Variants in VCAN observed in about 807,000 individuals in gnomAD.
VCAN encodes the protein versican.
Under a neutral mutation model 245.5 loss-of-function variants are expected in VCAN, and 44 were observed. The ratio of observed to expected loss-of-function variants is 0.18; its 90% CI spans 0.14 to 0.23. VCAN has a LOEUF of 0.23. VCAN is among the 10% of genes least tolerant of loss of function. The probability of loss-of-function intolerance (pLI) is 1.00; values close to 1 mark genes in which losing one functional copy is unlikely to be tolerated. For synonymous variants in VCAN, 1,413 were observed against 1,437.0 expected, an observed-to-expected ratio of 0.98 and a Z score of 0.38; for missense variants, 3,793 against 4,057.9, an observed-to-expected ratio of 0.93 and a Z score of 1.77.
At position 83,541,809 on chromosome 5, in the gene VCAN, A is replaced by C. The variant is rs1747006420; in HGVS notation, c.8806A>C (p.Thr2936Pro). The change falls in exon 8 of 15, where the codon ACC becomes CCC. Residue 2936 changes from threonine to proline, a missense_variant. By Grantham distance (38) the Thr-to-Pro change is conservative. Around this residue, in one of 5 missense-constraint regions of VCAN, gnomAD observed 3,182 missense variants for 3,250.3 expected, o/e 0.98. Transcript: ENST00000265077. ...TEILQDFQNK[T>P]DGQVSGEAIK... Reference sequence around the variant, plus strand: ...GATTCTCCAAGATTTCCAAAACAAAACCGATGGTCAAGTTTCTGGAGAAGC... The same window carrying C: ...GATTCTCCAAGATTTCCAAAACAAACCCGATGGTCAAGTTTCTGGAGAAGC... The C allele has an allele frequency of 6.2e-7, 1 of 1,614,056 alleles. No individual in the cohort carries two copies. The highest frequency in any genetic ancestry group is 8.5e-7 in the Non-Finnish European group (1 of 1,179,994).
At position 83,540,985 on chromosome 5, in the gene VCAN, G is replaced by A; in HGVS notation, c.7982G>A (p.Ser2661Asn). The A allele has an allele frequency of 7.4e-6, 12 of 1,614,056 alleles. No homozygotes were observed. Among genetic ancestry groups the A allele is most frequent in the Non-Finnish European group, 9.3e-6 (11 of 1,179,984 alleles). ...GAATCAATGACTTATGAAGATAGAA[G>A]CCAACTAGATCACATGGGCTTTCAC... ...HDESMTYEDR[S>N]QLDHMGFHFT... The change falls in exon 8 of 15, where the codon AGC becomes AAC. Residue 2661 changes from serine to asparagine, a missense_variant. Transcript: ENST00000265077.
intron 5 of VCAN, among the ~76,000 whole-genome samples, chr5:83,506,749 C>T (rs983626114): frequency 3.3e-5 from 5 of 152,080 alleles, no homozygotes; most frequent in African/African-American, 9.7e-5. Context: ...AAGGCATACC[C>T]GAGACTGAGA....
chr5:83,477,698 A>G (rs910929590), intron 1 of VCAN, among the ~76,000 whole-genome samples: 1 of 152,190 alleles, frequency 6.6e-6, no homozygotes, highest in African/African-American at 2.4e-5. Context: ...CATCTACGAC[A>G]TTTGAGAGAC....
At position 83,580,339 on chromosome 5, in the gene VCAN, T is replaced by G. The variant is rs1748624847; in HGVS notation, c.10096T>G (p.Tyr3366Asp). Residue 3366 changes from tyrosine (Y) to aspartate (D), a missense_variant, in exon 15 of 15, where the codon TAC becomes GAC. By Grantham distance (160) the Tyr-to-Asp change is radical. Around this residue, in one of 5 missense-constraint regions of VCAN, gnomAD observed 205 missense variants for 321.1 expected, o/e 0.64. Transcript: ENST00000265077. ...SAYQRTYSMK[Y>D]FKNSSSAKDN... ...ATACCAAAGGACTTATTCTATGAAA[T>G]ACTTTAAAAATTCCTCATCAGCAAA... 6.2e-7 allele frequency: 1 copy of G among 1,613,902 alleles called. No homozygotes were observed. Among genetic ancestry groups the G allele is most frequent in the African/African-American group, 1.3e-5 (1 of 74,918 alleles).
intron 1 of VCAN, among the ~76,000 whole-genome samples, chr5:83,482,452 G>T (rs1744645034): frequency 6.6e-6 from 1 of 152,214 alleles, no homozygotes; most frequent in South Asian, 2.1e-4. Flanking sequence ...CATCCCTTGG[G>T]CTGGGGTTTG....
At chr5:83,523,982 G>C (rs1474265718) in intron 7 of VCAN, among the ~76,000 whole-genome samples, 1 of 152,144 alleles carries the variant, frequency 6.6e-6, no homozygotes, top group East Asian at 1.9e-4. Flanking sequence ...ATGCTTGAAT[G>C]GATATGCAGA....
chr5:83,538,281 A>G lies in VCAN; in HGVS notation c.5278A>G (p.Asn1760Asp), dbSNP rs745801170. 1 of 1,614,070 alleles carries G rather than the reference A, an allele frequency of 6.2e-7. No homozygotes were observed. The highest frequency in any genetic ancestry group is 1.1e-5 in the South Asian group (1 of 91,076). The change falls in exon 8 of 15, where the codon AAT (asparagine) becomes GAT (aspartate). Residue 1760 changes from asparagine to aspartate, a missense_variant. Physicochemically the swap from Asn to Asp is conservative, Grantham distance 23 (BLOSUM62 1). This residue lies in a region of VCAN where 3,182 missense variants were observed against 3,250.3 expected (regional missense o/e 0.98). Transcript: ENST00000265077. ...TTTACCCTTTGAATTAGAAAGTCCA[A>G]ATGTAGCTACATCTAGTGATTCAGG... ...LILPFELESPNVATSSDSGTR... is the reference protein window; with the variant it reads ...LILPFELESPDVATSSDSGTR...
intron 12 of VCAN, among the ~76,000 whole-genome samples, chr5:83,561,010 G>A (rs1402968908): frequency 6.6e-6 from 1 of 152,096 alleles, no homozygotes; most frequent in East Asian, 1.9e-4. Flanking sequence ...AAATATTGGG[G>A]AGTTTTTGGA....
intron 12 of VCAN, 130 bp from the exon 13 acceptor site, chr5:83,572,286 A>C: frequency 8.7e-7 from 1 of 1,155,562 alleles, no homozygotes; most frequent in Non-Finnish European, 1.3e-6. Flanking sequence ...GTACCACCAA[A>C]ATAATTTCAG....
At chr5:83,527,131 C>G (rs1169622705) in intron 7 of VCAN, among the ~76,000 whole-genome samples, 1 of 152,200 alleles carries the variant, frequency 6.6e-6, no homozygotes, top group Non-Finnish European at 1.5e-5. Context: ...TCTGGGAAGA[C>G]TGGTTTCTCA....
chr5:83,499,136 C>T (rs1276452497), intron 5 of VCAN, among the ~76,000 whole-genome samples: 1 of 152,070 alleles, frequency 6.6e-6, no homozygotes, highest in Non-Finnish European at 1.5e-5. Flanking sequence ...TTACTGCTTC[C>T]AGGATCCCCC....
At chr5:83,542,299 C>T (rs951507755) in intron 8 of VCAN, 31 bp downstream of exon 8, 23 of 1,601,620 alleles carry the variant, frequency 1.4e-5, no homozygotes, top group Non-Finnish European at 1.8e-5. Flanking sequence ...AATCTGTTTC[C>T]AAACCTGGAA....
chr5:83,565,878 C>T (rs1748059769), intron 12 of VCAN, among the ~76,000 whole-genome samples: 1 of 150,856 alleles, frequency 6.6e-6, no homozygotes, highest in African/African-American at 2.4e-5. Flanking sequence ...TAAAGATGAA[C>T]CCAAGAAAAC....
chr5:83,502,165 C>A (rs3096170), intron 5 of VCAN, among the ~76,000 whole-genome samples: 41,802 of 151,942 alleles, frequency 0.28, 8,038 homozygotes, highest in African/African-American at 0.52. Flanking sequence ...CTTGCCTCTT[C>A]GTTCTAATTG....
At chr5:83,565,891 A>AT (rs893152961) in intron 12 of VCAN, among the ~76,000 whole-genome samples, 38 of 145,640 alleles carry the variant, frequency 2.6e-4, no homozygotes, top group Middle Eastern at 6.8e-3. Flanking sequence ...AAGAAAACTC[A>AT]TTTTTTAACA....
intron 13 of VCAN, among the ~76,000 whole-genome samples, chr5:83,574,973 T>C (rs560107952): frequency 8.8e-4 from 134 of 152,314 alleles, no homozygotes; most frequent in African/African-American, 3.2e-3. Context: ...TAAAATATTT[T>C]AACCTATTTG....
rs2548515 is a variant in VCAN at position 83,513,486 on chromosome 5, A to G, written c.1042+1090A>G. ...TAGTCAGTAGAATGGATGTTAATGC[A>G]ACCAAAAGGTTTGTTTTCACACTTT... On this transcript the variant is annotated intron_variant, in intron 6 of 14. Coordinates refer to ENST00000265077, the MANE Select transcript of VCAN (RefSeq NM_004385.5). Among the ~76,000 whole-genome samples, 2,276 of 152,334 alleles carry G rather than the reference A, an allele frequency of 0.015. 143 individuals carry two copies. In the East Asian group the frequency reaches 0.2, roughly 13 times the overall value.
intron 7 of VCAN, among the ~76,000 whole-genome samples, chr5:83,531,193 T>C (rs1746506582): frequency 6.6e-6 from 1 of 152,206 alleles, no homozygotes; most frequent in African/African-American, 2.4e-5. Flanking sequence ...AGTTTAATTG[T>C]ATTTCAGTAT....
At chr5:83,565,508 C>T (rs1020001733) in intron 12 of VCAN, among the ~76,000 whole-genome samples, 20 of 151,748 alleles carry the variant, frequency 1.3e-4, no homozygotes, top group African/African-American at 4.8e-4. Context: ...TATGAAAATT[C>T]TGTCTCTTTT....
Sources: allele counts gnomAD v4.1 joint callset (sites outside exome capture counted in the v4.1 genomes callset), GRCh38; gene constraint gnomAD v4.1.1; regional missense constraint gnomAD v4.1.1; transcripts MANE v1.5; gene names NCBI Gene and HGNC (gene_info 2026-07-23, HGNC 2026-07-21).